The following SLX4 variants were observed in gnomAD, a reference collection of about 807,000 sequenced individuals.
The protein encoded by SLX4 is SLX4 structure-specific endonuclease subunit.
SLX4 carries 112 observed loss-of-function variants against 146.2 expected under a neutral mutation model. That is an observed-to-expected ratio of 0.77 (90% CI 0.66 to 0.90). The LOEUF (loss-of-function observed/expected upper bound fraction) is 0.90. Among genes scored for constraint, SLX4 ranks in the 40% least tolerant of loss-of-function variants. The pLI is 0.00. For synonymous variants in SLX4, 1,061 were observed against 997.7 expected (o/e 1.06, Z -1.20); for missense variants, 2,563 against 2,392.7 (o/e 1.07, Z -1.49).
Position 3,608,929 on chromosome 16 carries a change from G to A in SLX4, c.36C>T (p.Phe12=), listed in dbSNP as rs775948210. 3.2e-5 allele frequency: 52 copies of A among 1,613,902 alleles called. 1 individual carries two copies. The highest frequency in any genetic ancestry group is 4.4e-5 in the Non-Finnish European group (52 of 1,180,030). ...ACAGATGAGAAAGTGAACCCAAGTAGAAGCCTAGCTGAGCCTCATTCACAC... is the reference window on the plus strand; with the variant it reads ...ACAGATGAGAAAGTGAACCCAAGTAAAAGCCTAGCTGAGCCTCATTCACAC... The part of the protein sequence containing the change: ...KLSVNEAQLG[F]YLGSLSHLSA... Residue 12 remains phenylalanine (F), a synonymous_variant, in exon 2 of 15, where the codon TTC becomes TTT. Transcript: ENST00000294008.
chr16:3,608,044 G>A (rs1464012585), intron 2 of SLX4, among the ~76,000 whole-genome samples: 1 of 152,250 alleles, frequency 6.6e-6, no homozygotes, highest in Non-Finnish European at 1.5e-5. Flanking sequence ...AGTCAGCCGG[G>A]CGCAGTGGCT....
chr16:3,587,598 C>T (rs1054037132), intron 12 of SLX4, among the ~76,000 whole-genome samples: 14 of 152,218 alleles, frequency 9.2e-5, no homozygotes, highest in African/African-American at 2.7e-4. Context: ...GTGGCCGCAG[C>T]GTCGTCCTGA....
In SLX4 at chr16:3,583,046, C is replaced by G. The variant is rs754908078; in HGVS notation, c.5153+51G>C. ...TCACTCGTGCCAACCCTCACGCCCA[C>G]GGGCCAGAGGATACATGAGGCCACT... On this transcript the variant is annotated intron_variant, in intron 14 of 14. Transcript: ENST00000294008. 2.5e-6 allele frequency: 4 copies of G among 1,602,600 alleles called. No individual in the cohort carries two copies. The African/African-American group carries it at 5.4e-5, about 21-fold the overall frequency.
intron 13 of SLX4, among the ~76,000 whole-genome samples, chr16:3,584,076 C>A (rs1043056903): frequency 6.6e-6 from 1 of 151,828 alleles, no homozygotes; most frequent in African/African-American, 2.4e-5. Context: ...CCCGGGTGCC[C>A]GAGTGGAAGA....
rs896917989 is a variant in SLX4, at chr16:3,597,662, G to T, written c.1400C>A (p.Ser467Tyr). Residue 467 changes from serine to tyrosine, a missense_variant, in exon 7 of 15, where the codon TCC becomes TAC. Physicochemically the swap from Ser to Tyr is moderately radical, Grantham distance 144 (BLOSUM62 -2). Transcript: ENST00000294008. The surrounding 1 kb of genome is among the most constrained non-coding windows in gnomAD (Gnocchi z 4.4). ...GTCCTGGACTAACAACAATGGGGGG[G>T]ATACCGGGGGTTTCTTCTTGCGACT... ...NKSRKKKPPV[S>Y]PPLLLVQDSE... The T allele has an allele frequency of 2.5e-6, 4 of 1,613,018 alleles. No homozygotes were observed. Among genetic ancestry groups the T allele is most frequent in the Non-Finnish European group, 3.4e-6 (4 of 1,179,542 alleles).
intron 13 of SLX4, among the ~76,000 whole-genome samples, chr16:3,584,160 C>T (rs796362849): frequency 5.3e-5 from 8 of 152,312 alleles, no homozygotes; most frequent in African/African-American, 1.7e-4. Context: ...CAGTGGCTCA[C>T]GCCTGTAATC....
At chr16:3,585,707 C>G (rs1298591775) in intron 12 of SLX4, among the ~76,000 whole-genome samples, 1 of 144,310 alleles carries the variant, frequency 6.9e-6, no homozygotes, top group Non-Finnish European at 1.5e-5. Flanking sequence ...AAATGCAAGT[C>G]AAAACCACAG....
At chr16:3,601,241 A>G in intron 4 of SLX4, 50 bp from the exon 5 acceptor site, 1 of 1,586,746 alleles carries the variant, frequency 6.3e-7, no homozygotes, top group Non-Finnish European at 8.7e-7. Context: ...AGGAATGTGG[A>G]TTGGAGCAAA....
intron 2 of SLX4, among the ~76,000 whole-genome samples, chr16:3,606,928 T>G (rs2040792234): frequency 6.6e-6 from 1 of 152,188 alleles, no homozygotes; most frequent in Non-Finnish European, 1.5e-5. Flanking sequence ...CTAATGAGCA[T>G]GGGGTTTATT....
chr16:3,594,637 C>T (rs777122485), intron 9 of SLX4, 38 bp from the exon 10 acceptor site: 1 of 1,613,474 alleles, frequency 6.2e-7, no homozygotes, highest in African/African-American at 1.3e-5. Flanking sequence ...CACCTCCCCA[C>T]CTCTGCTCTG....
intron 13 of SLX4, 99 bp downstream of exon 13, chr16:3,584,670 G>T: frequency 1.1e-6 from 1 of 929,178 alleles, no homozygotes; most frequent in Non-Finnish European, 1.8e-6. Flanking sequence ...CAGACCCAGA[G>T]ACCACACGGG....
In SLX4 at chr16:3,590,943, G is replaced by GT; in HGVS notation, c.2694dup (p.Gln899ThrfsTer17). On this transcript the variant is annotated frameshift_variant, in exon 12 of 15. Coordinates refer to ENST00000294008, the MANE Select transcript of SLX4 (RefSeq NM_032444.4). LOFTEE classifies it high-confidence loss of function. This position sits in a 1 kb window ranked among gnomAD's most constrained non-coding sequence, Gnocchi z 4.8. ...TCCATCTCCTCCACCTTGTCCCACT[G>GT]TTTCTGCACCTGGACACCTGCTAGG... 6.2e-7 allele frequency: 1 copy of GT among 1,614,156 alleles called. No homozygotes were observed. The highest frequency in any genetic ancestry group is 8.5e-7 in the Non-Finnish European group (1 of 1,180,034).
At chr16:3,596,417 T>A in intron 7 of SLX4, 24 bp from the exon 8 acceptor site, 1 of 1,573,978 alleles carries the variant, frequency 6.4e-7, no homozygotes, top group Non-Finnish European at 8.6e-7. Context: ...GTAAGGAGAG[T>A]GACCACGTGG....
At position 3,596,275 on chromosome 16, in the gene SLX4, G is replaced by C. The variant is rs59706816; in HGVS notation, c.1802C>G (p.Ser601Trp). The change falls in exon 8 of 15, where the codon TCG becomes TGG. Residue 601 changes from serine to tryptophan, a missense_variant. Physicochemically the swap from Ser to Trp is radical, Grantham distance 177. Coordinates refer to ENST00000294008, the MANE Select transcript of SLX4 (RefSeq NM_032444.4). ...PTAGCGSRGP[S>W]PSASQREHQA... ...GTGCTCCCTCTGGCTGGCCGAAGGCGACGGGCCCCTGGAGCCACAGCCTGC... is the reference window on the plus strand; with the variant it reads ...GTGCTCCCTCTGGCTGGCCGAAGGCCACGGGCCCCTGGAGCCACAGCCTGC... The C allele has an allele frequency of 6.4e-7, 1 of 1,566,098 alleles. No homozygotes were observed. Among genetic ancestry groups the C allele is most frequent in the Non-Finnish European group, 8.6e-7 (1 of 1,156,570 alleles).
At chr16:3,586,178 C>T (rs984095608) in intron 12 of SLX4, among the ~76,000 whole-genome samples, 9 of 152,110 alleles carry the variant, frequency 5.9e-5, no homozygotes, top group African/African-American at 1.7e-4. Flanking sequence ...CATGTCTACA[C>T]GAAAACTTGC....
intron 2 of SLX4, 74 bp downstream of exon 2, chr16:3,608,356 C>T: frequency 6.4e-7 from 1 of 1,568,050 alleles, no homozygotes; most frequent in East Asian, 2.2e-5. Context: ...GTGTGGCCTA[C>T]AAAGCCAAAA....
intron 12 of SLX4, 36 bp from the exon 13 acceptor site, chr16:3,584,907 A>T: frequency 7.1e-7 from 1 of 1,415,766 alleles, no homozygotes; most frequent in Non-Finnish European, 1.0e-6. Flanking sequence ...TTTTAGCATG[A>T]GGGACACGGA....
intron 8 of SLX4, 68 bp from the exon 9 acceptor site, chr16:3,595,761 G>A (rs1054501944): frequency 3.9e-5 from 61 of 1,566,974 alleles, no homozygotes; most frequent in South Asian, 1.0e-4. Flanking sequence ...AGAAGACAGC[G>A]TTGACCACAG....
In SLX4 at chr16:3,589,092, C is replaced by G. The variant is rs775915651; in HGVS notation, c.4546G>C (p.Gly1516Arg). 7 of 1,614,088 alleles carry G rather than the reference C, an allele frequency of 4.3e-6. No individual in the cohort carries two copies. Among genetic ancestry groups the G allele is most frequent in the Non-Finnish European group, 5.9e-6 (7 of 1,180,040 alleles). The change falls in exon 12 of 15, where the codon GGG (glycine) becomes CGG (arginine). Residue 1516 changes from glycine to arginine, a missense_variant. Gly to Arg is a moderately radical substitution (Grantham distance 125). Transcript: ENST00000294008. This position sits in a 1 kb window ranked among gnomAD's most constrained non-coding sequence, Gnocchi z 6.2. The stretch of plus-strand genomic sequence containing the variant: ...GTCTCTGGAGGCCTCTGCTCTTCCC[C>G]GTCCCAAACGTCCCACAGAGCCGAA... ...LNSALWDVWDGEEQRPPETPP... is the reference protein window; with the variant it reads ...LNSALWDVWDREEQRPPETPP...
Sources: gnomAD v4.1 joint callset for allele counts (sites outside exome capture counted in the v4.1 genomes callset) on GRCh38, gnomAD v4.1.1 for gene constraint, Gnocchi (gnomAD v3.1) non-coding constraint, MANE v1.5 for transcripts, NCBI Gene and HGNC (gene_info 2026-07-23, HGNC 2026-07-21) for gene names.